The following TGFA variants were observed in gnomAD, a reference collection of about 807,000 sequenced individuals.
TGFA encodes the protein protransforming growth factor alpha.
A neutral mutation model predicts 21.7 loss-of-function variants in TGFA; 12 were observed. The ratio of observed to expected loss-of-function variants is 0.55; its 90% CI spans 0.35 to 0.90. The LOEUF (loss-of-function observed/expected upper bound fraction) is 0.90, where lower values mean the gene tolerates loss of function less well. TGFA is among the 40% of genes least tolerant of loss of function. The pLI is 0.01. For missense variants in TGFA, 178 were observed against 210.8 expected (o/e 0.84, Z 0.96); for synonymous variants, 79 against 88.1 (o/e 0.90, Z 0.58).
chr2:70,463,815 C>T (rs552627081), intron 3 of TGFA, among the ~76,000 whole-genome samples: 1 of 152,232 alleles, frequency 6.6e-6, no homozygotes, highest in African/African-American at 2.4e-5. Context: ...AGTGTTTTTC[C>T]ACAATGACCA....
At chr2:70,456,055 T>A (rs190548604) in intron 4 of TGFA, among the ~76,000 whole-genome samples, 1 of 152,360 alleles carries the variant, frequency 6.6e-6, no homozygotes. Flanking sequence ...TTCTGAAGAC[T>A]CCAACAACCG....
intron 1 of TGFA, among the ~76,000 whole-genome samples, chr2:70,542,074 T>C (rs188220638): frequency 3.9e-5 from 6 of 152,276 alleles, no homozygotes; most frequent in Non-Finnish European, 7.3e-5. Context: ...ATGGCCACCA[T>C]AATTCATTTG....
intron 3 of TGFA, among the ~76,000 whole-genome samples, chr2:70,459,978 G>A (rs1157661778): frequency 1.3e-5 from 2 of 152,174 alleles, no homozygotes; most frequent in Non-Finnish European, 2.9e-5. Flanking sequence ...TTAGCCCCAA[G>A]CAGCCCAGTG....
chr2:70,514,722 A>AGGGGGCAGAGAGGACTC (rs1672214353), intron 2 of TGFA, 137 bp downstream of exon 2: 1 of 906,230 alleles, frequency 1.1e-6, no homozygotes, highest in African/African-American at 1.6e-5. Context: ...GCCCCTGAGG[A>AGGGGGCAGAGAGGACTC]GGGGGCAGAG....
chr2:70,505,904 C>T (rs555660947), intron 2 of TGFA, among the ~76,000 whole-genome samples: 12 of 152,258 alleles, frequency 7.9e-5, no homozygotes, highest in Admixed American at 5.2e-4. Flanking sequence ...AGACAGGAAA[C>T]GAGGAAAGGA....
intron 1 of TGFA, among the ~76,000 whole-genome samples, chr2:70,519,293 T>A (rs915554537): frequency 8.5e-5 from 13 of 152,098 alleles, no homozygotes; most frequent in South Asian, 4.1e-4. Context: ...CATGTAGGCA[T>A]AAATATATAA....
chr2:70,516,229 A>C (rs1672273231), intron 1 of TGFA, among the ~76,000 whole-genome samples: 1 of 152,246 alleles, frequency 6.6e-6, no homozygotes, highest in Non-Finnish European at 1.5e-5. Context: ...CTCAGAAAGC[A>C]AATGAATCAA....
At chr2:70,509,752 C>T (rs1553500698) in intron 2 of TGFA, among the ~76,000 whole-genome samples, 3 of 152,198 alleles carry the variant, frequency 2.0e-5, no homozygotes, top group Non-Finnish European at 4.4e-5. Context: ...GCCCTCACCA[C>T]ACCCCCTTGG....
At position 70,545,795 on chromosome 2, in the gene TGFA, T is replaced by C. The variant is rs141922265; in HGVS notation, c.40+7933A>G. Among the ~76,000 whole-genome samples the C allele has an allele frequency of 1.6e-3, 241 of 152,134 alleles. 3 individuals are homozygous for C. Among genetic ancestry groups the C allele is most frequent in the African/African-American group, 5.3e-3 (222 of 41,532 alleles). Reference sequence around the variant, plus strand: ...AAACCTTAGGTATGTCAAAATACCATAAACAAAACAGTAAAAGATAAAAAA... The same window carrying C: ...AAACCTTAGGTATGTCAAAATACCACAAACAAAACAGTAAAAGATAAAAAA... On this transcript the variant is annotated intron_variant, in intron 1 of 5. Transcript: ENST00000295400.
chr2:70,528,678 T>A (rs1208510672), intron 1 of TGFA, among the ~76,000 whole-genome samples: 3 of 152,222 alleles, frequency 2.0e-5, no homozygotes, highest in Non-Finnish European at 4.4e-5. Flanking sequence ...AGATGATGTA[T>A]CTTAGGCGCT....
intron 1 of TGFA, among the ~76,000 whole-genome samples, chr2:70,540,606 A>G (rs1347137913): frequency 6.6e-6 from 1 of 152,232 alleles, no homozygotes; most frequent in Non-Finnish European, 1.5e-5. Flanking sequence ...TCAAAGAGTC[A>G]CAGAAAATCA....
chr2:70,457,008 G>A (rs1553490689), intron 3 of TGFA, among the ~76,000 whole-genome samples: 1 of 152,142 alleles, frequency 6.6e-6, no homozygotes. Context: ...GTCATTGTAG[G>A]ACTGGAGAAA....
At chr2:70,547,091 C>T (rs997217145) in intron 1 of TGFA, among the ~76,000 whole-genome samples, 2 of 152,070 alleles carry the variant, frequency 1.3e-5, no homozygotes, top group Non-Finnish European at 2.9e-5. Flanking sequence ...AAGTTATGCC[C>T]ACTTAAAATT....
chr2:70,537,924 T>C (rs546925801), intron 1 of TGFA, among the ~76,000 whole-genome samples: 76 of 152,360 alleles, frequency 5.0e-4, no homozygotes, highest in African/African-American at 1.8e-3. Flanking sequence ...AGGATGTTTG[T>C]AGCTATGGAG....
At chr2:70,504,873 C>T (rs1162812267) in intron 2 of TGFA, among the ~76,000 whole-genome samples, 1 of 152,180 alleles carries the variant, frequency 6.6e-6, no homozygotes, top group Non-Finnish European at 1.5e-5. Flanking sequence ...GCTTAGAATT[C>T]TGCAGCCAGT....
intron 1 of TGFA, among the ~76,000 whole-genome samples, chr2:70,533,813 T>G (rs1304989917): frequency 2.0e-5 from 3 of 151,982 alleles, no homozygotes; most frequent in African/African-American, 7.3e-5. Flanking sequence ...AAGGGGAAAC[T>G]CTCCTAAAGG....
At chr2:70,499,695 T>C (rs1671680626) in intron 2 of TGFA, among the ~76,000 whole-genome samples, 2 of 152,222 alleles carry the variant, frequency 1.3e-5, no homozygotes, top group African/African-American at 4.8e-5. Flanking sequence ...ATCTATTGTG[T>C]CAGACATTGC....
At chr2:70,487,244 C>T (rs569215877) in intron 2 of TGFA, among the ~76,000 whole-genome samples, 133 of 152,182 alleles carry the variant, frequency 8.7e-4, no homozygotes, top group Non-Finnish European at 1.6e-3. Flanking sequence ...TCTGTGTGCC[C>T]AACAGGGAAT....
chr2:70,504,465 C>CATATATATATAT (rs1559124076), intron 2 of TGFA, among the ~76,000 whole-genome samples: 3 of 62,554 alleles, frequency 4.8e-5, no homozygotes, highest in African/African-American at 4.7e-5. Context: ...TATATATATA[C>CATATATATATAT]ACACATACAT....
Sources: gnomAD v4.1 joint callset for allele counts (sites outside exome capture counted in the v4.1 genomes callset) on GRCh38, gnomAD v4.1.1 for gene constraint, MANE v1.5 for transcripts, NCBI Gene and HGNC (gene_info 2026-07-23, HGNC 2026-07-21) for gene names.